The following MED21 variants were observed in gnomAD, a reference collection of about 807,000 sequenced individuals.
The protein encoded by MED21 is mediator complex subunit 21, also known as mediator of RNA polymerase II transcription subunit 21.
Under a neutral mutation model 18.2 loss-of-function variants are expected in MED21, and 9 were observed. That is an observed-to-expected ratio of 0.49 (90% CI 0.30 to 0.86). MED21 has a LOEUF of 0.86. Among genes scored for constraint, MED21 ranks in the 40% least tolerant of loss-of-function variants. MED21 has a pLI of 0.07. For synonymous variants in MED21, 73 were observed against 60.5 expected, an observed-to-expected ratio of 1.21 and a Z score of -0.96; for missense variants, 150 against 170.9, an observed-to-expected ratio of 0.88 and a Z score of 0.68.
Position 27,026,541 on chromosome 12 carries a change from A to C in MED21, c.157+7A>C. On this transcript the variant is annotated splice_region_variant and intron_variant, in intron 2 of 3. Transcript: ENST00000282892. ...CCAGCTAACCCTACAGAAGGTAAAC[A>C]GGTTTTCTTAGCTTCTCTTAGTTTG... 6.4e-7 allele frequency: 1 copy of C among 1,572,334 alleles called. No homozygotes were observed.
At chr12:27,025,659 TAAA>T (rs1437837773) in intron 1 of MED21, among the ~76,000 whole-genome samples, 3 of 152,058 alleles carry the variant, frequency 2.0e-5, no homozygotes, top group African/African-American at 7.2e-5. Flanking sequence ...AATTAAATAT[TAAA>T]AAGAGGAAAC....
At position 27,030,299 on chromosome 12, in the gene MED21, T is replaced by G. The variant is rs984989137; in HGVS notation, c.*1838T>G. 1 of 493,198 alleles carries G rather than the reference T, an allele frequency of 2.0e-6. No homozygotes were observed. The allele number at this position is 493,198 out of a possible 1,614,324, so 30.6% of individuals were successfully genotyped here. A position where few individuals can be genotyped will look rare whatever the true frequency, so the allele number is the denominator to read the frequency against. ...CATGTACTACCACGTCCAGCTAATT[T>G]TTTTTTTCTTTTTTTTTTAGAGATG... On this transcript the variant is annotated 3_prime_UTR_variant, in exon 4 of 4. Coordinates refer to ENST00000282892, the MANE Select transcript of MED21 (RefSeq NM_004264.5).
chr12:27,023,300 C>CTTTTCTTTTTTTTTTTTTTTT (rs1555110746), intron 1 of MED21, among the ~76,000 whole-genome samples: 1 of 110,438 alleles, frequency 9.1e-6, no homozygotes, highest in African/African-American at 3.6e-5. Flanking sequence ...TTTTTCTTTT[C>CTTTTCTTTTTTTTTTTTTTTT]TTTTTTTTTT....
intron 1 of MED21, 75 bp from the exon 2 acceptor site, chr12:27,026,345 G>GAT: frequency 2.4e-6 from 2 of 823,922 alleles, no homozygotes; most frequent in Non-Finnish European, 4.0e-6. Flanking sequence ...GAAACTTATT[G>GAT]TTGTTGCCAT....
chr12:27,028,771 C>A lies in MED21; in HGVS notation c.*310C>A. On this transcript the variant is annotated 3_prime_UTR_variant, in exon 4 of 4. Coordinates refer to ENST00000282892, the MANE Select transcript of MED21 (RefSeq NM_004264.5). ...TCTGTTATGACATAATTTATGTCTC[C>A]ATTTTGTTGTATTGGCCAGTACTTT... 1 of 1,024,648 alleles carries A rather than the reference C, an allele frequency of 9.8e-7. No homozygotes were observed. Among genetic ancestry groups the A allele is most frequent in the South Asian group, 4.2e-5 (1 of 23,816 alleles). 63.5% of individuals were successfully genotyped at this position (1,024,648 alleles called of 1,614,324 possible).
rs1176821926 is a variant in MED21 at position 27,022,560 on chromosome 12, C to T, written c.-20C>T. 1.3e-6 allele frequency: 2 copies of T among 1,534,484 alleles called. No homozygotes were observed. The highest frequency in any genetic ancestry group is 1.8e-6 in the Non-Finnish European group (2 of 1,134,692). On this transcript the variant is annotated 5_prime_UTR_variant, in exon 1 of 4. Transcript: ENST00000282892. Reference sequence around the variant, plus strand: ...CGCGGAAGAGCAGCTGTTTTGGCGTCTGTTTGCTGCGGTAGGAACATGGCG... The same window carrying T: ...CGCGGAAGAGCAGCTGTTTTGGCGTTTGTTTGCTGCGGTAGGAACATGGCG...
At position 27,029,313 on chromosome 12, in the gene MED21, C is replaced by T. The variant is rs1941586095; in HGVS notation, c.*852C>T. Reference sequence around the variant, plus strand: ...TACTTCCACTACATCAGTTACTTGGCATCATTTCACCTCAGTTTATTATTG... The same window carrying T: ...TACTTCCACTACATCAGTTACTTGGTATCATTTCACCTCAGTTTATTATTG... On this transcript the variant is annotated 3_prime_UTR_variant, in exon 4 of 4. Transcript: ENST00000282892. 9 of 985,246 alleles carry T rather than the reference C, an allele frequency of 9.1e-6. No individual in the cohort carries two copies. The South Asian group carries it at 3.8e-4, about 41-fold the overall frequency. The allele number at this position is 985,246 out of a possible 1,614,324, so 61.0% of individuals were successfully genotyped here. A position where few individuals can be genotyped will look rare whatever the true frequency, so the allele number is the denominator to read the frequency against.
At chr12:27,035,157 G>C (rs1203527188), downstream of MED21, among the ~76,000 whole-genome samples, 1 of 152,168 alleles carries the variant, frequency 6.6e-6, no homozygotes, top group Non-Finnish European at 1.5e-5. Context: ...GGTGAGCCAT[G>C]ATCATGACAC....
At chr12:27,030,924 T>G (rs546731802), downstream of MED21, among the ~76,000 whole-genome samples, 157 of 152,184 alleles carry the variant, frequency 1.0e-3, no homozygotes, top group Non-Finnish European at 2.0e-3. Context: ...CAATTTCTTT[T>G]TTTGAGATGG....
rs772186570 is a variant in MED21 at position 27,028,276 on chromosome 12, C to G, written c.259-9C>G. The G allele has an allele frequency of 3.6e-5, 58 of 1,596,384 alleles. No homozygotes were observed. The highest frequency in any genetic ancestry group is 3.8e-5 in the Non-Finnish European group (45 of 1,170,630). The stretch of plus-strand genomic sequence containing the variant: ...ACTCTAAAGATTTTAAAATTTGTGT[C>G]TTATAAAGGCTGCTAGCTTGTATAA... On this transcript the variant is annotated splice_polypyrimidine_tract_variant and intron_variant, in intron 3 of 3. Coordinates refer to ENST00000282892, the MANE Select transcript of MED21 (RefSeq NM_004264.5).
downstream of MED21, among the ~76,000 whole-genome samples, chr12:27,031,700 GAA>G (rs966367601): frequency 6.7e-6 from 1 of 148,230 alleles, no homozygotes; most frequent in African/African-American, 2.5e-5. Flanking sequence ...ATGTAGCCAT[GAA>G]AAAAAAAATG....
At chr12:27,024,417 T>A (rs1479672528) in intron 1 of MED21, among the ~76,000 whole-genome samples, 1 of 152,148 alleles carries the variant, frequency 6.6e-6, no homozygotes, top group Non-Finnish European at 1.5e-5. Flanking sequence ...ATAACACTAG[T>A]TTTTAAGCTG....
chr12:27,026,793 G>A (rs545194384), intron 2 of MED21, among the ~76,000 whole-genome samples: 1 of 152,272 alleles, frequency 6.6e-6, no homozygotes, highest in South Asian at 2.1e-4. Context: ...ACCTTAACAA[G>A]GAAGGCATCC....
intron 2 of MED21, among the ~76,000 whole-genome samples, 154 bp from the exon 3 acceptor site, chr12:27,027,193 C>T (rs1941557303): frequency 1.3e-5 from 2 of 152,194 alleles, no homozygotes; most frequent in Admixed American, 1.3e-4. Flanking sequence ...TCCCAAAGTG[C>T]TGGGATTACA....
At chr12:27,027,921 T>C (rs1941566163) in intron 3 of MED21, among the ~76,000 whole-genome samples, 1 of 152,242 alleles carries the variant, frequency 6.6e-6, no homozygotes. Context: ...ATTCAAATCA[T>C]AGCACCTTTT....
chr12:27,024,078 CATAAT>C (rs1381928888), intron 1 of MED21, among the ~76,000 whole-genome samples: 1 of 152,202 alleles, frequency 6.6e-6, no homozygotes, highest in Non-Finnish European at 1.5e-5. Context: ...AGGGGACTGA[CATAAT>C]ATGTGCATCC....
In MED21 at chr12:27,036,705, C is replaced by G. The variant is rs966470932; in HGVS notation, n.146+9258C>G. Among the ~76,000 whole-genome samples, 8 of 152,174 alleles carry G rather than the reference C, an allele frequency of 5.3e-5. No homozygotes were observed. In the South Asian group the frequency reaches 1.0e-3, roughly 20 times the overall value. On this transcript the variant is annotated intron_variant and non_coding_transcript_variant, in intron 2 of 4. Transcript: ENST00000538186. Reference sequence around the variant, plus strand: ...GTTTATTAAATAGGGAATCCTTTCCCCATTGCTTGTTTTTCTCAGGTTTGT... The same window carrying G: ...GTTTATTAAATAGGGAATCCTTTCCGCATTGCTTGTTTTTCTCAGGTTTGT...
chr12:27,029,766 T>A lies in MED21; in HGVS notation c.*1305T>A. ...TGCTATCAGATATTTGGCATAAATCTGTACTCTTCATTATAGTTTTGGGGG... is the reference window on the plus strand; with the variant it reads ...TGCTATCAGATATTTGGCATAAATCAGTACTCTTCATTATAGTTTTGGGGG... On this transcript the variant is annotated 3_prime_UTR_variant, in exon 4 of 4. Coordinates refer to ENST00000282892, the MANE Select transcript of MED21 (RefSeq NM_004264.5). The A allele has an allele frequency of 1.0e-6, 1 of 985,474 alleles. No individual in the cohort carries two copies. The highest frequency in any genetic ancestry group is 1.2e-6 in the Non-Finnish European group (1 of 829,600). 61.0% of individuals were successfully genotyped at this position (985,474 alleles called of 1,614,324 possible).
At position 27,022,584 on chromosome 12, in the gene MED21, C is replaced by A. The variant is rs745967078; in HGVS notation, c.5C>A (p.Ala2Glu). 3.8e-6 allele frequency: 6 copies of A among 1,563,890 alleles called. No homozygotes were observed. Among genetic ancestry groups the A allele is most frequent in the South Asian group, 1.2e-5 (1 of 86,956 alleles). Residue 2 changes from alanine (A) to glutamate (E), a missense_variant, in exon 1 of 4, where the codon GCG becomes GAG. Coordinates refer to ENST00000282892, the MANE Select transcript of MED21 (RefSeq NM_004264.5). ...TCTGTTTGCTGCGGTAGGAACATGG[C>A]GGATCGGCTCACGCAGCTTCAGGAC... M[A>E]DRLTQLQDAV...
Sources: allele counts gnomAD v4.1 joint callset (sites outside exome capture counted in the v4.1 genomes callset), GRCh38; gene constraint gnomAD v4.1.1; transcripts MANE v1.5; gene names NCBI Gene and HGNC (gene_info 2026-07-23, HGNC 2026-07-21).